Variants in USP25 observed in about 807,000 individuals in gnomAD.
USP25 encodes ubiquitin carboxyl-terminal hydrolase 25.
Under a neutral mutation model 158.5 loss-of-function variants are expected in USP25, and 85 were observed. The ratio of observed to expected loss-of-function variants is 0.54; its 90% CI spans 0.45 to 0.64. The LOEUF (loss-of-function observed/expected upper bound fraction) is 0.64, where lower values mean the gene tolerates loss of function less well. Among genes scored for constraint, USP25 ranks in the 30% least tolerant of loss-of-function variants. The pLI, the probability that USP25 is intolerant of heterozygous loss-of-function variation, is 0.00. For missense variants in USP25, 1,242 were observed against 1,327.3 expected (o/e 0.94, Z 1.00); for synonymous variants, 464 against 460.4 (o/e 1.01, Z -0.10).
At chr21:15,827,326 A>C (rs1305243526) in intron 14 of USP25, 123 bp downstream of exon 14, 1 of 895,806 alleles carries the variant, frequency 1.1e-6, no homozygotes, top group East Asian at 2.7e-5. Flanking sequence ...TCTTTTCCAG[A>C]AAGGGTTTTA....
At chr21:15,859,891 T>C (rs146195960) in intron 20 of USP25, among the ~76,000 whole-genome samples, 4 of 150,586 alleles carry the variant, frequency 2.7e-5, no homozygotes, top group Non-Finnish European at 4.4e-5. Flanking sequence ...TGTTACATTA[T>C]ATTTTATTTC....
At chr21:15,743,121 T>G (rs946075793) in intron 1 of USP25, among the ~76,000 whole-genome samples, 1 of 152,224 alleles carries the variant, frequency 6.6e-6, no homozygotes, top group Admixed American at 6.5e-5. Flanking sequence ...AGCTTGTTTA[T>G]TCCTGCTGCG....
intron 14 of USP25, among the ~76,000 whole-genome samples, chr21:15,828,661 C>T (rs759637514): frequency 7.9e-5 from 12 of 152,168 alleles, no homozygotes; most frequent in South Asian, 2.1e-4. Flanking sequence ...TTTTTTGAGA[C>T]GGAGTCTCGC....
chr21:15,730,966 C>G (rs1385833415), intron 1 of USP25, among the ~76,000 whole-genome samples: 1 of 98,094 alleles, frequency 1.0e-5, no homozygotes, highest in Non-Finnish European at 2.0e-5. Flanking sequence ...CTTTCTTCTT[C>G]TTCTTTTCTG....
In USP25 at chr21:15,778,024, G is replaced by A; in HGVS notation, c.389G>A (p.Ser130Asn). Residue 130 changes from serine to asparagine, a missense_variant, in exon 4 of 26, where the codon AGC becomes AAC. Physicochemically the swap from Ser to Asn is conservative, Grantham distance 46. Around this residue, in one of 3 missense-constraint regions of USP25, gnomAD observed 627 missense variants for 701.4 expected, o/e 0.89. Transcript: ENST00000400183. The stretch of plus-strand genomic sequence containing the variant: ...ATAACTGATGAGGAACAAGCCATTA[G>A]CAGGTAAAAACATAATTTGTATAAA... ...TGITDEEQAI[S>N]RVLEASIAEN... The A allele has an allele frequency of 6.3e-7, 1 of 1,596,908 alleles. No homozygotes were observed. The highest frequency in any genetic ancestry group is 8.5e-7 in the Non-Finnish European group (1 of 1,174,786).
chr21:15,796,753 T>C (rs948839628), intron 5 of USP25, among the ~76,000 whole-genome samples: 8 of 151,360 alleles, frequency 5.3e-5, no homozygotes, highest in African/African-American at 1.9e-4. Flanking sequence ...GATAGTATTA[T>C]CTGGAACCTT....
At chr21:15,755,534 C>T (rs1174623182) in intron 1 of USP25, among the ~76,000 whole-genome samples, 1 of 152,134 alleles carries the variant, frequency 6.6e-6, no homozygotes, top group Non-Finnish European at 1.5e-5. Context: ...ATTTGAACGA[C>T]CAAGTTTCAA....
intron 24 of USP25, chr21:15,877,301 G>A (rs2040138093): frequency 6.6e-6 from 1 of 152,380 alleles, no homozygotes; most frequent in Admixed American, 6.5e-5. Context: ...GGCACGTGGT[G>A]TTGACTCTGT....
chr21:15,809,451 G>GA (rs1600983558), intron 8 of USP25, among the ~76,000 whole-genome samples: 1 of 151,108 alleles, frequency 6.6e-6, no homozygotes, highest in African/African-American at 2.4e-5. Context: ...TGGCGGCTAC[G>GA]AAAAAAAACG....
chr21:15,735,158 G>A (rs2031363307), intron 1 of USP25, among the ~76,000 whole-genome samples: 1 of 152,064 alleles, frequency 6.6e-6, no homozygotes, highest in South Asian at 2.1e-4. Flanking sequence ...ATTTGGTCAT[G>A]TTGCTTTACT....
intron 4 of USP25, among the ~76,000 whole-genome samples, chr21:15,780,083 T>G (rs1316142880): frequency 6.6e-6 from 1 of 152,138 alleles, no homozygotes; most frequent in Non-Finnish European, 1.5e-5. Context: ...AAGGAAGACA[T>G]TTATATATTA....
chr21:15,826,324 T>G lies in USP25; in HGVS notation c.1425T>G (p.Ser475Arg). 1 of 1,614,086 alleles carries G rather than the reference T, an allele frequency of 6.2e-7. No homozygotes were observed. The highest frequency in any genetic ancestry group is 8.5e-7 in the Non-Finnish European group (1 of 1,179,948). ...CTCCTGTTGACGATATTGACGCTAG[T>G]TCCCCACCTAGTGGTTCCATACCAT... ...CTSPVDDIDA[S>R]SPPSGSIPSQ... The change falls in exon 13 of 26, where the codon AGT (serine) becomes AGG (arginine). Residue 475 changes from serine (S) to arginine (R), a missense_variant. This residue lies in a region of USP25 where 627 missense variants were observed against 701.4 expected (regional missense o/e 0.89). Coordinates refer to ENST00000400183, the MANE Select transcript of USP25 (RefSeq NM_001283041.3). This position sits in a 1 kb window ranked among gnomAD's most constrained non-coding sequence, Gnocchi z 4.8.
chr21:15,813,225 C>T (rs2036763099), intron 9 of USP25, among the ~76,000 whole-genome samples: 1 of 152,196 alleles, frequency 6.6e-6, no homozygotes, highest in African/African-American at 2.4e-5. Flanking sequence ...TTCTTTCTCT[C>T]ATTTACTGCA....
At chr21:15,749,072 T>C (rs2032793291) in intron 1 of USP25, among the ~76,000 whole-genome samples, 1 of 152,118 alleles carries the variant, frequency 6.6e-6, no homozygotes, top group Non-Finnish European at 1.5e-5. Context: ...TATTTCCATG[T>C]TGAACTGAAC....
chr21:15,732,667 C>T (rs556938244), intron 1 of USP25, among the ~76,000 whole-genome samples: 14 of 152,268 alleles, frequency 9.2e-5, no homozygotes, highest in African/African-American at 2.9e-4. Context: ...TAAGTATTTA[C>T]TATTTAAAAT....
intron 1 of USP25, among the ~76,000 whole-genome samples, chr21:15,735,294 GA>G (rs1368578159): frequency 1.3e-5 from 2 of 150,264 alleles, no homozygotes; most frequent in Non-Finnish European, 3.0e-5. Flanking sequence ...AAATATTCTG[GA>G]AAAAAAAAGC....
chr21:15,730,226 C>A lies in USP25; in HGVS notation c.-168C>A, dbSNP rs560515486. The A allele has an allele frequency of 4.3e-3, 3,104 of 718,388 alleles. 70 individuals carry two copies. In the African/African-American group the frequency reaches 0.056, roughly 13 times the overall value. 44.5% of individuals were successfully genotyped at this position (718,388 alleles called of 1,614,324 possible). On this transcript the variant is annotated 5_prime_UTR_variant, in exon 1 of 26. Transcript: ENST00000400183. ...GGCGTTTCGCCGCCTGCCCGCGGTGCCCGCGCACGCCGGCCGCCATCGCCT... is the reference window on the plus strand; with the variant it reads ...GGCGTTTCGCCGCCTGCCCGCGGTGACCGCGCACGCCGGCCGCCATCGCCT...
chr21:15,792,691 T>C (rs2035655504), intron 5 of USP25, among the ~76,000 whole-genome samples: 1 of 151,688 alleles, frequency 6.6e-6, no homozygotes, highest in South Asian at 2.1e-4. Flanking sequence ...TTAACTTTTT[T>C]TTATATACTT....
intron 20 of USP25, 129 bp downstream of exon 20, chr21:15,850,001 G>A (rs972010330): frequency 4.7e-5 from 29 of 615,664 alleles, no homozygotes; most frequent in South Asian, 1.3e-4. Context: ...TATGGCCACC[G>A]GATATCCTAG....
Sources: gnomAD v4.1 joint callset for allele counts (sites outside exome capture counted in the v4.1 genomes callset) on GRCh38, gnomAD v4.1.1 for gene constraint, gnomAD v4.1.1 regional missense constraint, Gnocchi (gnomAD v3.1) non-coding constraint, MANE v1.5 for transcripts, NCBI Gene and HGNC (gene_info 2026-07-23, HGNC 2026-07-21) for gene names.